Variants in DRGX observed in about 807,000 individuals in gnomAD.
The protein encoded by DRGX is dorsal root ganglia homeobox.
Under a neutral mutation model 28.6 loss-of-function variants are expected in DRGX, and 21 were observed. That is an observed-to-expected ratio of 0.73 (90% CI 0.52 to 1.06). The LOEUF is 1.06. DRGX is among the 50% of genes least tolerant of loss of function. DRGX has a pLI of 0.00. For missense variants in DRGX, 354 were observed against 343.9 expected, an observed-to-expected ratio of 1.03 and a Z score of -0.23; for synonymous variants, 136 against 139.1, an observed-to-expected ratio of 0.98 and a Z score of 0.16.
At position 49,366,100 on chromosome 10, in the gene DRGX, G is replaced by A. The variant is rs769796474; in HGVS notation, c.*16C>T. 1.3e-5 allele frequency: 20 copies of A among 1,531,694 alleles called. No individual in the cohort carries two copies. In the East Asian group the frequency reaches 3.0e-4, roughly 23 times the overall value. The allele number at this position is 1,531,694 out of a possible 1,614,324, so 94.9% of individuals were successfully genotyped here. On this transcript the variant is annotated 3_prime_UTR_variant, in exon 7 of 7. Coordinates refer to ENST00000374139, the MANE Select transcript of DRGX (RefSeq NM_001276451.2). ...AGGGGCGGGGGAGGGCAGGCCGGGC[G>A]GGGCACTGTGGACCCTCATACACTC...
intron 2 of DRGX, among the ~76,000 whole-genome samples, chr10:49,393,980 CA>C (rs1428798138): frequency 6.6e-6 from 1 of 152,214 alleles, no homozygotes; most frequent in Non-Finnish European, 1.5e-5. Context: ...CCACTTTGAC[CA>C]GAAGGGTGGG....
chr10:49,390,101 TA>T, intron 4 of DRGX, 31 bp downstream of exon 4: 1 of 1,561,586 alleles, frequency 6.4e-7, no homozygotes, highest in Non-Finnish European at 8.7e-7. Flanking sequence ...GTTTTAATAT[TA>T]GAGAGTTAAA....
At chr10:49,378,046 T>C (rs1186799582) in intron 6 of DRGX, among the ~76,000 whole-genome samples, 1 of 152,180 alleles carries the variant, frequency 6.6e-6, no homozygotes, top group Non-Finnish European at 1.5e-5. Flanking sequence ...GAATGTGCAG[T>C]TGTTTTAACA....
chr10:49,395,361 G>T (rs1365709389), intron 2 of DRGX, 46 bp downstream of exon 2: 1 of 1,548,040 alleles, frequency 6.5e-7, no homozygotes, highest in South Asian at 1.2e-5. Context: ...GCCCTTTCTG[G>T]CCGGCTCTGG....
At position 49,386,762 on chromosome 10, in the gene DRGX, G is replaced by A. The variant is rs376932057; in HGVS notation, c.331C>T (p.Pro111Ser). Residue 111 changes from proline to serine, a missense_variant, in exon 5 of 7, where the codon CCT becomes TCT. Coordinates refer to ENST00000374139, the MANE Select transcript of DRGX (RefSeq NM_001276451.2). ...GAKEPMAEVT[P>S]PPVRNINSPP... Reference sequence around the variant, plus strand: ...GAGTTGATGTTTCTCACTGGAGGAGGTGTCACCTCTGCCATGGGCTCCTTG... The same window carrying A: ...GAGTTGATGTTTCTCACTGGAGGAGATGTCACCTCTGCCATGGGCTCCTTG... 11 of 1,610,348 alleles carry A rather than the reference G, an allele frequency of 6.8e-6. No homozygotes were observed. The highest frequency in any genetic ancestry group is 4.5e-5 in the East Asian group (2 of 44,806).
chr10:49,386,698 G>T lies in DRGX; in HGVS notation c.395C>A (p.Ala132Glu), dbSNP rs201611931. 9.7e-5 allele frequency: 154 copies of T among 1,582,388 alleles called. 1 individual carries two copies. The highest frequency in any genetic ancestry group is 1.3e-5 in the Non-Finnish European group (15 of 1,165,590). ...GCCTCACCTCTGCTGGGCCTCCAGC[G>T]CCTCCTTCTTACTCCGGGCTTGGTC... ...PGDQARSKKE[A>E]LEAQQSLGRT... The change falls in exon 5 of 7, where the codon GCG (alanine) becomes GAG (glutamate). Residue 132 changes from alanine to glutamate, a missense_variant. By Grantham distance (107) the Ala-to-Glu change is moderately radical. Transcript: ENST00000374139.
intron 6 of DRGX, among the ~76,000 whole-genome samples, chr10:49,371,661 G>A (rs1181269407): frequency 6.6e-6 from 1 of 152,004 alleles, no homozygotes; most frequent in Non-Finnish European, 1.5e-5. Flanking sequence ...GCATGATGGT[G>A]TGCTCCTGTA....
chr10:49,374,199 T>C (rs1408063660), intron 6 of DRGX, among the ~76,000 whole-genome samples: 1 of 152,158 alleles, frequency 6.6e-6, no homozygotes, highest in Non-Finnish European at 1.5e-5. Flanking sequence ...TGGTGACAGA[T>C]GTTCTCCAGC....
At chr10:49,374,501 G>T (rs935528990) in intron 6 of DRGX, among the ~76,000 whole-genome samples, 3 of 152,120 alleles carry the variant, frequency 2.0e-5, no homozygotes, top group Non-Finnish European at 2.9e-5. Flanking sequence ...CTTTGTAAGA[G>T]CCCTCTGGTC....
intron 6 of DRGX, among the ~76,000 whole-genome samples, chr10:49,372,408 G>T (rs1007904123): frequency 6.6e-6 from 1 of 152,202 alleles, no homozygotes; most frequent in Non-Finnish European, 1.5e-5. Context: ...GGTAGAAGAA[G>T]TCTGGCCCCT....
chr10:49,384,637 C>A (rs886651158), intron 6 of DRGX, among the ~76,000 whole-genome samples: 3 of 152,196 alleles, frequency 2.0e-5, no homozygotes, highest in African/African-American at 7.2e-5. Context: ...CACGTTCACT[C>A]AGGCCAGTTG....
Position 49,395,935 on chromosome 10 carries a change from C to T in DRGX, c.-82G>A, listed in dbSNP as rs1849964070. The T allele has an allele frequency of 6.4e-6, 1 of 155,640 alleles. No homozygotes were observed. Among genetic ancestry groups the T allele is most frequent in the Admixed American group, 6.5e-5 (1 of 15,332 alleles). 9.6% of individuals were successfully genotyped at this position (155,640 alleles called of 1,614,324 possible). A position where few individuals can be genotyped will look rare whatever the true frequency, so the allele number is the denominator to read the frequency against. ...CGAGTGGGTCAGGAGCCGAGCATACCTCGGCGGGCGGCGGTCGAGGAGGTC... is the reference window on the plus strand; with the variant it reads ...CGAGTGGGTCAGGAGCCGAGCATACTTCGGCGGGCGGCGGTCGAGGAGGTC... On this transcript the variant is annotated splice_region_variant and 5_prime_UTR_variant, in exon 1 of 7. Coordinates refer to ENST00000374139, the MANE Select transcript of DRGX (RefSeq NM_001276451.2).
chr10:49,394,962 G>C (rs577486413), intron 2 of DRGX, among the ~76,000 whole-genome samples: 39 of 152,402 alleles, frequency 2.6e-4, no homozygotes, highest in African/African-American at 8.7e-4. Context: ...GCCCCAGTGA[G>C]AGCAGCCCAG....
intron 6 of DRGX, among the ~76,000 whole-genome samples, chr10:49,375,233 T>G (rs781160152): frequency 2.3e-4 from 35 of 152,208 alleles, no homozygotes; most frequent in Non-Finnish European, 4.6e-4. Context: ...CCGTGTTTGT[T>G]TTTGTACACA....
chr10:49,385,781 C>T (rs1050640988), intron 6 of DRGX, among the ~76,000 whole-genome samples: 1 of 152,098 alleles, frequency 6.6e-6, no homozygotes, highest in Non-Finnish European at 1.5e-5. Flanking sequence ...CTAACACTCA[C>T]TCCCCCAGAC....
chr10:49,395,306 C>T (rs1849954702), intron 2 of DRGX, 101 bp downstream of exon 2: 3 of 1,442,744 alleles, frequency 2.1e-6, no homozygotes, highest in East Asian at 2.5e-5. Context: ...CTGCGCCCCC[C>T]GCAGGGCGGG....
intron 6 of DRGX, among the ~76,000 whole-genome samples, chr10:49,378,666 C>A (rs1849741198): frequency 6.6e-6 from 1 of 152,106 alleles, no homozygotes; most frequent in African/African-American, 2.4e-5. Context: ...CCAGCACAGT[C>A]CAGCAAGAAA....
chr10:49,372,048 G>A (rs1229919644), intron 6 of DRGX, among the ~76,000 whole-genome samples: 3 of 152,122 alleles, frequency 2.0e-5, no homozygotes, highest in African/African-American at 7.2e-5. Context: ...ATAACCTGGA[G>A]CCATTTGCAC....
At chr10:49,384,623 T>G (rs1437512071) in intron 6 of DRGX, among the ~76,000 whole-genome samples, 1 of 152,188 alleles carries the variant, frequency 6.6e-6, no homozygotes, top group South Asian at 2.1e-4. Context: ...CAGATGTTTG[T>G]GGCCACGTTC....
Sources: allele counts gnomAD v4.1 joint callset (sites outside exome capture counted in the v4.1 genomes callset), GRCh38; gene constraint gnomAD v4.1.1; transcripts MANE v1.5; gene names NCBI Gene and HGNC (gene_info 2026-07-23, HGNC 2026-07-21).